The following ARSJ variants were observed in gnomAD, a reference collection of about 807,000 sequenced individuals.
ARSJ encodes the protein arylsulfatase J.
A neutral mutation model predicts 35.9 loss-of-function variants in ARSJ; 26 were observed. The observed-to-expected ratio is 0.72, with a 90% CI of 0.53 to 1.00. The LOEUF (loss-of-function observed/expected upper bound fraction) is 1.00, where lower values mean the gene tolerates loss of function less well. ARSJ is among the 50% of genes least tolerant of loss of function. ARSJ has a pLI of 0.00. For missense variants in ARSJ, 667 were observed against 723.6 expected (o/e 0.92, Z 0.90); for synonymous variants, 294 against 267.6 (o/e 1.10, Z -0.96).
At chr4:113,952,074 T>G (rs1029208870) in intron 1 of ARSJ, among the ~76,000 whole-genome samples, 2 of 152,084 alleles carry the variant, frequency 1.3e-5, no homozygotes, top group African/African-American at 2.4e-5. Context: ...TTTCATTTTT[T>G]AAGAGACAGG....
chr4:113,973,059 G>A (rs1392247233), intron 1 of ARSJ, among the ~76,000 whole-genome samples: 3 of 152,112 alleles, frequency 2.0e-5, no homozygotes, highest in African/African-American at 7.2e-5. Context: ...GATGATCCCA[G>A]CACTGGCTCG....
intron 1 of ARSJ, among the ~76,000 whole-genome samples, chr4:113,957,998 A>G (rs1019197586): frequency 4.6e-5 from 7 of 152,140 alleles, no homozygotes; most frequent in African/African-American, 1.7e-4. Context: ...GACATAAACA[A>G]GTGCAGCAAA....
chr4:113,977,466 A>C (rs1295571971), intron 1 of ARSJ, among the ~76,000 whole-genome samples: 2 of 152,218 alleles, frequency 1.3e-5, no homozygotes. Context: ...TTCCAAGAAC[A>C]ACTTCACAGA....
chr4:113,931,469 G>C (rs1724445607), intron 1 of ARSJ, among the ~76,000 whole-genome samples: 3 of 152,162 alleles, frequency 2.0e-5, no homozygotes, highest in East Asian at 1.9e-4. Flanking sequence ...GCTTACAATA[G>C]AGTAACGCCA....
intron 1 of ARSJ, among the ~76,000 whole-genome samples, chr4:113,972,179 G>A (rs1464628193): frequency 6.6e-6 from 1 of 151,234 alleles, no homozygotes; most frequent in Non-Finnish European, 1.5e-5. Flanking sequence ...CAGAGCTCCC[G>A]ACTGAGTGCC....
Position 113,975,060 on chromosome 4 carries a change from A to T in ARSJ, c.398+3377T>A, listed in dbSNP as rs79355896. 8.5e-3 allele frequency among the ~76,000 whole-genome samples: 1,289 copies of T among 152,284 alleles called. 14 individuals are homozygous for T. Among genetic ancestry groups the T allele is most frequent in the African/African-American group, 0.029 (1,210 of 41,562 alleles). ...TGCTAAAAGAAACCAGACATAGAAG[A>T]GTACCCTCTCTGTAATTCCATTTGT... On this transcript the variant is annotated intron_variant, in intron 1 of 1. Coordinates refer to ENST00000315366, the MANE Select transcript of ARSJ (RefSeq NM_024590.4).
chr4:113,943,460 T>C (rs1725284668), intron 1 of ARSJ: 1 of 152,008 alleles, frequency 6.6e-6, no homozygotes, highest in African/African-American at 2.4e-5. Context: ...GATTGACCTC[T>C]CCTTTCTTTT....
Position 113,962,512 on chromosome 4 carries a change from T to C in ARSJ, c.398+15925A>G, listed in dbSNP as rs186478362. On this transcript the variant is annotated intron_variant, in intron 1 of 1. Coordinates refer to ENST00000315366, the MANE Select transcript of ARSJ (RefSeq NM_024590.4). ...TTTTTTTTTTTTTCTAATAGTTGAA[T>C]GAATAAACTTGAATTTGTCCTTGAC... 2.0e-5 allele frequency among the ~76,000 whole-genome samples: 3 copies of C among 148,942 alleles called. No homozygotes were observed. In the East Asian group the frequency reaches 5.9e-4, roughly 29 times the overall value.
intron 1 of ARSJ, among the ~76,000 whole-genome samples, chr4:113,941,382 G>T (rs1725149740): frequency 6.6e-6 from 1 of 151,878 alleles, no homozygotes; most frequent in Admixed American, 6.6e-5. Context: ...ATGTTTATTT[G>T]GTTTCTACCA....
At chr4:113,960,845 G>C (rs1042838593) in intron 1 of ARSJ, among the ~76,000 whole-genome samples, 1 of 152,010 alleles carries the variant, frequency 6.6e-6, no homozygotes, top group Non-Finnish European at 1.5e-5. Context: ...GAAGTGCCCC[G>C]AGCCTGCCTT....
At chr4:113,932,441 T>C (rs963273018) in intron 1 of ARSJ, among the ~76,000 whole-genome samples, 1 of 152,068 alleles carries the variant, frequency 6.6e-6, no homozygotes, top group African/African-American at 2.4e-5. Flanking sequence ...TTTTCCAGAA[T>C]AGGCCATTTC....
At chr4:113,924,035 AAATATATAT>A in intron 1 of ARSJ, among the ~76,000 whole-genome samples, 10 of 3,726 alleles carry the variant, frequency 2.7e-3, no homozygotes, top group Non-Finnish European at 4.5e-3. Flanking sequence ...ATATATATAT[AAATATATAT>A]AAATATATAT....
chr4:113,915,528 T>G (rs1723240837), intron 1 of ARSJ, among the ~76,000 whole-genome samples: 1 of 152,188 alleles, frequency 6.6e-6, no homozygotes, highest in Non-Finnish European at 1.5e-5. Context: ...GCTGACTTAA[T>G]TTTATATAAT....
Position 113,902,949 on chromosome 4 carries a change from C to T in ARSJ, c.1125G>A (p.Val375=), listed in dbSNP as rs1304981608. The T allele has an allele frequency of 3.1e-6, 5 of 1,614,130 alleles. No individual in the cohort carries two copies. The East Asian group carries it at 8.9e-5, about 29-fold the overall frequency. The change falls in exon 2 of 2, where the codon GTG becomes GTA. Residue 375 remains valine, a synonymous_variant. Transcript: ENST00000315366. ...GAGTGGGGTACCAGTCAGTGATGTG[C>T]ACAAGTTCCTTACACACTGTTCCCT... The part of the protein sequence containing the change: ...KNKGTVCKEL[V]HITDWYPTLI...
chr4:113,952,678 C>A (rs1301434963), intron 1 of ARSJ, among the ~76,000 whole-genome samples: 1 of 152,014 alleles, frequency 6.6e-6, no homozygotes. Flanking sequence ...TGGTCGACCC[C>A]TGGTTAGAAG....
intron 1 of ARSJ, among the ~76,000 whole-genome samples, chr4:113,913,565 T>G (rs1042481372): frequency 1.3e-5 from 2 of 152,184 alleles, no homozygotes; most frequent in Non-Finnish European, 2.9e-5. Flanking sequence ...CTCTCATTTA[T>G]AAGATTACTT....
In ARSJ at chr4:113,903,224, A is replaced by G; in HGVS notation, c.850T>C (p.Ser284Pro). The change falls in exon 2 of 2, where the codon TCC (serine) becomes CCC (proline). Residue 284 changes from serine to proline, a missense_variant. Coordinates refer to ENST00000315366, the MANE Select transcript of ARSJ (RefSeq NM_024590.4). ...CTCCTCCTGTTTATGTTGATAATGG[A>G]TCGGTAGTGTTCGAAATACCTGCCA... ...APGRYFEHYR[S>P]IININRRRYA... 1 of 1,614,198 alleles carries G rather than the reference A, an allele frequency of 6.2e-7. No homozygotes were observed. The highest frequency in any genetic ancestry group is 2.2e-5 in the East Asian group (1 of 44,880).
intron 1 of ARSJ, among the ~76,000 whole-genome samples, chr4:113,937,559 GAAAT>G (rs1452621672): frequency 2.0e-5 from 3 of 152,002 alleles, no homozygotes; most frequent in African/African-American, 7.2e-5. Flanking sequence ...GCAAGAGAAA[GAAAT>G]AAAGTGTATT....
intron 1 of ARSJ, among the ~76,000 whole-genome samples, chr4:113,949,197 G>A (rs570830300): frequency 2.0e-5 from 3 of 151,990 alleles, no homozygotes; most frequent in African/African-American, 7.2e-5. Flanking sequence ...TGGGGTGAGG[G>A]GCTAGGGGAG....
Sources: allele counts gnomAD v4.1 joint callset (sites outside exome capture counted in the v4.1 genomes callset), GRCh38; gene constraint gnomAD v4.1.1; transcripts MANE v1.5; gene names NCBI Gene and HGNC (gene_info 2026-07-23, HGNC 2026-07-21).